Variants in ROBO2 observed in about 807,000 individuals in gnomAD.
ROBO2 encodes roundabout homolog 2.
A neutral mutation model predicts 160.8 loss-of-function variants in ROBO2; 53 were observed. That is an observed-to-expected ratio of 0.33 (90% CI 0.26 to 0.41). The LOEUF is 0.41. Among genes scored for constraint, ROBO2 ranks in the 10% least tolerant of loss-of-function variants. The pLI, the probability that ROBO2 is intolerant of heterozygous loss-of-function variation, is 1.00. For synonymous variants in ROBO2, 664 were observed against 611.7 expected (o/e 1.09, Z -1.26); for missense variants, 1,577 against 1,722.4 (o/e 0.92, Z 1.49).
chr3:76,614,589 T>C (rs1239669984), intron 2 of ROBO2, among the ~76,000 whole-genome samples: 2 of 152,122 alleles, frequency 1.3e-5, no homozygotes, highest in Non-Finnish European at 2.9e-5. Flanking sequence ...GTTAGGCATA[T>C]TTATTAGCTA....
chr3:77,069,741 C>G (rs1302295135), intron 1 of ROBO2, among the ~76,000 whole-genome samples: 1 of 152,142 alleles, frequency 6.6e-6, no homozygotes, highest in Non-Finnish European at 1.5e-5. Context: ...GACCAGGTGC[C>G]TGCTCTTCTT....
At chr3:77,437,583 A>G (rs1407177783) in intron 2 of ROBO2, among the ~76,000 whole-genome samples, 1 of 151,948 alleles carries the variant, frequency 6.6e-6, no homozygotes, top group Non-Finnish European at 1.5e-5. Flanking sequence ...ATTAAAAAAC[A>G]TTTGCATAGA....
At chr3:77,265,893 T>C (rs1413731786) in intron 2 of ROBO2, among the ~76,000 whole-genome samples, 1 of 152,162 alleles carries the variant, frequency 6.6e-6, no homozygotes, top group East Asian at 1.9e-4. Context: ...TTTAAAGAAA[T>C]GCATAGGGTT....
At chr3:76,794,872 A>G (rs1420429025) in intron 2 of ROBO2, among the ~76,000 whole-genome samples, 4 of 152,066 alleles carry the variant, frequency 2.6e-5, no homozygotes, top group African/African-American at 9.7e-5. Context: ...TGTAAAATAA[A>G]AGTAATGACT....
intron 2 of ROBO2, among the ~76,000 whole-genome samples, chr3:76,701,707 G>A (rs1248723291): frequency 6.6e-6 from 1 of 151,960 alleles, no homozygotes; most frequent in African/African-American, 2.4e-5. Flanking sequence ...AAGGCTGTTA[G>A]ATTAAAAGCA....
Position 77,624,175 on chromosome 3 carries a change from C to G in ROBO2, c.3760+1743C>G, listed in dbSNP as rs376817817. Among the ~76,000 whole-genome samples, 6 of 152,264 alleles carry G rather than the reference C, an allele frequency of 3.9e-5. No individual in the cohort carries two copies. In the South Asian group the frequency reaches 6.2e-4, roughly 16 times the overall value. On this transcript the variant is annotated intron_variant, in intron 23 of 25. Coordinates refer to ENST00000461745, the Ensembl canonical transcript of ROBO2. ...AGTTTATCCTATGAATAATACATCT[C>G]TTTAGTAAAAGAAGTTGTGTTCTAC...
intron 2 of ROBO2, among the ~76,000 whole-genome samples, chr3:76,050,100 C>T (rs929387025): frequency 2.0e-5 from 3 of 152,020 alleles, no homozygotes; most frequent in East Asian, 1.9e-4. Flanking sequence ...AGGGTATTGC[C>T]AAAGGACATT....
rs1201244951 is a variant in ROBO2, at chr3:76,555,358, G to GGAAGAAGAAGA, written c.110-542656_110-542655insGAAGAAGAAGA. 3.8e-4 allele frequency among the ~76,000 whole-genome samples: 22 copies of GGAAGAAGAAGA among 57,932 alleles called. 1 individual carries two copies. Among genetic ancestry groups the GGAAGAAGAAGA allele is most frequent in the African/African-American group, 1.1e-3 (22 of 19,224 alleles). 38.0% of individuals were successfully genotyped at this position (57,932 alleles called of 152,430 possible). A position where few individuals can be genotyped will look rare whatever the true frequency, so the allele number is the denominator to read the frequency against. On this transcript the variant is annotated intron_variant, in intron 2 of 26. Transcript: ENST00000487694. ...AGGAAGAGGAGGAAGAGTAGGAAGAGAGAAGAAGAAGAAGAAGAAGAAGAA... is the reference window on the plus strand; with the variant it reads ...AGGAAGAGGAGGAAGAGTAGGAAGAGGAAGAAGAAGAAGAAGAAGAAGAAGAAGAAGAAGAA...
intron 2 of ROBO2, among the ~76,000 whole-genome samples, chr3:76,249,010 T>A (rs1705814633): frequency 6.6e-6 from 1 of 152,134 alleles, no homozygotes; most frequent in Non-Finnish European, 1.5e-5. Flanking sequence ...TCGTGTTTTT[T>A]GGGAGACTAA....
chr3:77,388,919 G>C (rs1444284438), intron 2 of ROBO2, among the ~76,000 whole-genome samples: 2 of 152,062 alleles, frequency 1.3e-5, no homozygotes, highest in Admixed American at 1.3e-4. Context: ...ACGTCAGAGG[G>C]GTTTTTCTGA....
At chr3:76,472,802 G>A (rs2078736238) in intron 2 of ROBO2, among the ~76,000 whole-genome samples, 1 of 152,130 alleles carries the variant, frequency 6.6e-6, no homozygotes. Context: ...AATAGAGCTG[G>A]GCTACCCAAT....
chr3:77,040,489 G>A (rs188224095), exon 1 of ROBO2: 38 of 1,289,758 alleles, frequency 2.9e-5, no homozygotes, highest in Admixed American at 1.0e-4. Flanking sequence ...GAGAGGGTTA[G>A]ACACACTCGA....
intron 2 of ROBO2, among the ~76,000 whole-genome samples, chr3:76,791,457 CTCTCTCTCTTT>C (rs1275122966): frequency 6.6e-6 from 1 of 151,540 alleles, no homozygotes; most frequent in African/African-American, 2.4e-5. Flanking sequence ...TCATGTCTCT[CTCTCTCTCTTT>C]TCTCTCTCTC....
At chr3:76,996,723 G>A (rs555668446) in intron 2 of ROBO2, among the ~76,000 whole-genome samples, 1 of 152,226 alleles carries the variant, frequency 6.6e-6, no homozygotes, top group East Asian at 1.9e-4. Context: ...TTCTTACCAA[G>A]TATTTTCATT....
chr3:76,477,321 GAT>G (rs1468967701), intron 2 of ROBO2, among the ~76,000 whole-genome samples: 1 of 152,108 alleles, frequency 6.6e-6, no homozygotes, highest in Non-Finnish European at 1.5e-5. Flanking sequence ...ACTTAGGAAT[GAT>G]AATAAGCATT....
chr3:76,217,730 G>A (rs1168045569), intron 2 of ROBO2, among the ~76,000 whole-genome samples: 1 of 152,102 alleles, frequency 6.6e-6, no homozygotes, highest in Admixed American at 6.5e-5. Context: ...TTCTACCAGA[G>A]GTACAAGGAG....
intron 2 of ROBO2, among the ~76,000 whole-genome samples, chr3:77,366,458 A>G (rs2070888721): frequency 1.3e-5 from 2 of 152,104 alleles, no homozygotes; most frequent in Admixed American, 1.3e-4. Flanking sequence ...TGTAGGAACC[A>G]GAAAGCAGGC....
At chr3:76,272,431 G>T (rs528696174) in intron 2 of ROBO2, among the ~76,000 whole-genome samples, 157 of 151,848 alleles carry the variant, frequency 1.0e-3, no homozygotes, top group African/African-American at 3.6e-3. Context: ...TTGGGAGGCC[G>T]AGGTGGGTGG....
chr3:76,396,447 A>G, intron 2 of ROBO2, among the ~76,000 whole-genome samples: 1 of 152,188 alleles, frequency 6.6e-6, no homozygotes, highest in Non-Finnish European at 1.5e-5. Context: ...ACTCCTATTC[A>G]ACATAGTGTT....
Sources: allele counts gnomAD v4.1 joint callset (sites outside exome capture counted in the v4.1 genomes callset), GRCh38; gene constraint gnomAD v4.1.1; transcripts MANE v1.5; gene names NCBI Gene and HGNC (gene_info 2026-07-23, HGNC 2026-07-21).